The following ACVR1B variants were observed in gnomAD, a reference collection of about 807,000 sequenced individuals.
ACVR1B encodes the protein activin A receptor type 1B.
A neutral mutation model predicts 55.6 loss-of-function variants in ACVR1B; 15 were observed. That is an observed-to-expected ratio of 0.27 (90% CI 0.18 to 0.42). The LOEUF (loss-of-function observed/expected upper bound fraction) is 0.42. Ranked by LOEUF, ACVR1B falls within the 10% of genes least tolerant of loss-of-function variation. The pLI is 1.00. For synonymous variants in ACVR1B, 247 were observed against 254.6 expected (o/e 0.97, Z 0.28); for missense variants, 359 against 670.1 (o/e 0.54, Z 5.13).
chr12:51,960,609 G>C (rs929012518), intron 1 of ACVR1B, among the ~76,000 whole-genome samples: 2 of 152,186 alleles, frequency 1.3e-5, no homozygotes, highest in Non-Finnish European at 2.9e-5. Flanking sequence ...TGAGGGGCTA[G>C]GGGCTCTTAT....
intron 1 of ACVR1B, among the ~76,000 whole-genome samples, chr12:51,962,241 C>G (rs1314182363): frequency 6.6e-6 from 1 of 152,154 alleles, no homozygotes; most frequent in African/African-American, 2.4e-5. Flanking sequence ...AATTAAATAC[C>G]AAGCTTATCA....
intron 5 of ACVR1B, among the ~76,000 whole-genome samples, chr12:51,984,897 G>GAGT (rs904097200): frequency 1.3e-5 from 2 of 152,228 alleles, no homozygotes; most frequent in Non-Finnish European, 2.9e-5. Context: ...CAGGGAAGGC[G>GAGT]AGTAGTAGTA....
intron 3 of ACVR1B, among the ~76,000 whole-genome samples, chr12:51,977,540 G>A (rs369797963): frequency 6.6e-6 from 1 of 151,102 alleles, no homozygotes; most frequent in Non-Finnish European, 1.5e-5. Flanking sequence ...CAAGTGATCC[G>A]CCTGCCTCGT....
Position 51,996,048 on chromosome 12 carries a change from G to T in ACVR1B, c.*1938G>T, listed in dbSNP as rs1175523144. 1.3e-5 allele frequency: 2 copies of T among 152,166 alleles called. No individual in the cohort carries two copies. The highest frequency in any genetic ancestry group is 2.9e-5 in the Non-Finnish European group (2 of 68,030). The allele number at this position is 152,166 out of a possible 1,614,324, so 9.4% of individuals were successfully genotyped here. On this transcript the variant is annotated 3_prime_UTR_variant, in exon 9 of 9. Transcript: ENST00000257963. ...GTAGATGCCTGTTTTGAGACCAGAA[G>T]GTTTCATAATTGGTTCTACGACCCT...
In ACVR1B at chr12:51,951,779, C is replaced by T. The variant is rs755660131; in HGVS notation, c.36C>T (p.Pro12=). 3 of 1,295,838 alleles carry T rather than the reference C, an allele frequency of 2.3e-6. No individual in the cohort carries two copies. Among genetic ancestry groups the T allele is most frequent in the South Asian group, 3.4e-5 (1 of 29,792 alleles). The allele number at this position is 1,295,838 out of a possible 1,614,324, so 80.3% of individuals were successfully genotyped here. ...CGGCCGGAGCCTCCTCCTTCTTCCCCCTTGTTGTCCTCCTGCTCGCCGGCA... is the reference window on the plus strand; with the variant it reads ...CGGCCGGAGCCTCCTCCTTCTTCCCTCTTGTTGTCCTCCTGCTCGCCGGCA... ...AESAGASSFF[P]LVVLLLAGSG... is the part of the protein sequence containing the mutation. The change falls in exon 1 of 9, where the codon CCC becomes CCT. Residue 12 remains proline (P), a synonymous_variant. Coordinates refer to ENST00000257963, the MANE Select transcript of ACVR1B (RefSeq NM_004302.5).
At chr12:51,979,399 G>T (rs936581737) in intron 3 of ACVR1B, among the ~76,000 whole-genome samples, 1 of 150,172 alleles carries the variant, frequency 6.7e-6, no homozygotes, top group East Asian at 2.0e-4. Context: ...CCTAGGAGGT[G>T]GAGGTTGCAG....
At position 51,994,074 on chromosome 12, in the gene ACVR1B, C is replaced by G. The variant is rs76067104; in HGVS notation, c.1482C>G (p.Leu494=). The change falls in exon 9 of 9, where the codon CTC becomes CTG. Residue 494 remains leucine, a synonymous_variant. Transcript: ENST00000257963. This position sits in a 1 kb window ranked among gnomAD's most constrained non-coding sequence, Gnocchi z 4.2. The part of the protein sequence containing the change: ...RLTALRIKKT[L]SQLSVQEDVK... The stretch of plus-strand genomic sequence containing the variant: ...CGGCCCTGCGCATCAAGAAGACCCT[C>G]TCCCAGCTCAGCGTGCAGGAAGACG... 14 of 1,614,096 alleles carry G rather than the reference C, an allele frequency of 8.7e-6. No individual in the cohort carries two copies. Among genetic ancestry groups the G allele is most frequent in the Non-Finnish European group, 1.0e-5 (12 of 1,180,048 alleles).
intron 1 of ACVR1B, 99 bp downstream of exon 1, chr12:51,951,933 A>C (rs1217437681): frequency 2.9e-6 from 2 of 696,344 alleles, no homozygotes; most frequent in Non-Finnish European, 3.9e-6. Context: ...CCCCCTCCCC[A>C]CGAGCACAAT....
chr12:51,958,579 C>T (rs1243076738), intron 1 of ACVR1B, among the ~76,000 whole-genome samples: 2 of 149,234 alleles, frequency 1.3e-5, no homozygotes, highest in Admixed American at 6.8e-5. Context: ...ATCCGGGAGG[C>T]GGAGGTTGCA....
intron 1 of ACVR1B, 48 bp from the exon 2 acceptor site, chr12:51,975,217 A>C (rs1941824872): frequency 6.3e-7 from 1 of 1,581,102 alleles, no homozygotes; most frequent in African/African-American, 1.3e-5. Flanking sequence ...AAGGACCTGC[A>C]AAAGATCTCA....
intron 1 of ACVR1B, among the ~76,000 whole-genome samples, chr12:51,963,713 C>G (rs766068056): frequency 1.6e-4 from 24 of 152,160 alleles, no homozygotes; most frequent in Non-Finnish European, 2.8e-4. Flanking sequence ...TGGGTGGTTT[C>G]CACCTTTTGG....
At position 51,955,272 on chromosome 12, in the gene ACVR1B, T is replaced by C. The variant is rs528043615; in HGVS notation, c.91+3438T>C. ...TCAGTACAGGAAGAACCTGCACTTA[T>C]TTTCCTCTAAGAACCTTTTTAGATG... is the stretch of plus-strand genomic sequence containing the variant. On this transcript the variant is annotated intron_variant, in intron 1 of 8. Coordinates refer to ENST00000257963, the MANE Select transcript of ACVR1B (RefSeq NM_004302.5). Among the ~76,000 whole-genome samples, 8 of 152,344 alleles carry C rather than the reference T, an allele frequency of 5.3e-5. No individual in the cohort carries two copies. The East Asian group carries it at 1.3e-3, about 26-fold the overall frequency.
intron 1 of ACVR1B, among the ~76,000 whole-genome samples, chr12:51,965,005 A>G (rs1296877625): frequency 6.6e-6 from 1 of 152,288 alleles, no homozygotes; most frequent in Middle Eastern, 3.4e-3. Context: ...AACAAAAAAA[A>G]GGCCACTGAG....
At chr12:51,961,866 G>T (rs1374363813) in intron 1 of ACVR1B, among the ~76,000 whole-genome samples, 1 of 152,116 alleles carries the variant, frequency 6.6e-6, no homozygotes, top group African/African-American at 2.4e-5. Flanking sequence ...GCACACATAG[G>T]TCCCAGGAAC....
chr12:51,993,922 C>A (rs1039439624), intron 8 of ACVR1B, 63 bp from the exon 9 acceptor site: 1 of 1,595,818 alleles, frequency 6.3e-7, no homozygotes, highest in Non-Finnish European at 8.5e-7. Context: ...GAGTGAGAGC[C>A]TAGGGACCAG....
chr12:51,986,919 T>C lies in ACVR1B; in HGVS notation c.1238T>C (p.Ile413Thr). ...IYALGLVYWEIARRCNSGGVH... is the reference protein window; with the variant it reads ...IYALGLVYWETARRCNSGGVH... ...GCCCTCGGGCTTGTATATTGGGAGA[T>C]TGCTCGAAGATGCAATTCTGGAGGT... The change falls in exon 7 of 9, where the codon ATT becomes ACT. Residue 413 changes from isoleucine to threonine, a missense_variant. This residue lies in a region of ACVR1B where 119 missense variants were observed against 340.2 expected (regional missense o/e 0.35). Transcript: ENST00000257963. 2 of 1,614,214 alleles carry C rather than the reference T, an allele frequency of 1.2e-6. No homozygotes were observed. Among genetic ancestry groups the C allele is most frequent in the Non-Finnish European group, 1.7e-6 (2 of 1,180,032 alleles).
intron 1 of ACVR1B, among the ~76,000 whole-genome samples, chr12:51,961,316 C>A (rs556656508): frequency 3.3e-5 from 5 of 152,284 alleles, no homozygotes; most frequent in South Asian, 2.1e-4. Flanking sequence ...TAATTCATTT[C>A]TTTTCCATCC....
chr12:51,993,897 A>T (rs746269544), intron 8 of ACVR1B, 88 bp from the exon 9 acceptor site: 1 of 1,443,336 alleles, frequency 6.9e-7, no homozygotes. Flanking sequence ...ACTGAGCGGG[A>T]GGTGGCAGGG....
Position 51,972,668 on chromosome 12 carries a change from C to G in ACVR1B, c.92-2597C>G, listed in dbSNP as rs114748050. ...GTTAATATTAAAGCTGGCATTTGAG[C>G]CTTTCTGACCTGTCCTGCTATGATC... On this transcript the variant is annotated intron_variant, in intron 1 of 8. Coordinates refer to ENST00000257963, the MANE Select transcript of ACVR1B (RefSeq NM_004302.5). Among the ~76,000 whole-genome samples the G allele has an allele frequency of 2.4e-3, 359 of 152,276 alleles. 1 individual carries two copies. The highest frequency in any genetic ancestry group is 8.3e-3 in the African/African-American group (343 of 41,544).
Sources: gnomAD v4.1 joint callset for allele counts (sites outside exome capture counted in the v4.1 genomes callset) on GRCh38, gnomAD v4.1.1 for gene constraint, gnomAD v4.1.1 regional missense constraint, Gnocchi (gnomAD v3.1) non-coding constraint, MANE v1.5 for transcripts, NCBI Gene and HGNC (gene_info 2026-07-23, HGNC 2026-07-21) for gene names.